PBX2: variants seen among roughly 807,000 people sequenced by gnomAD.
PBX2 encodes PBX homeobox 2.
PBX2 carries 10 observed loss-of-function variants against 46.5 expected under a neutral mutation model. That is an observed-to-expected ratio of 0.21 (90% CI 0.13 to 0.36). The LOEUF (loss-of-function observed/expected upper bound fraction) is 0.36, where lower values mean the gene tolerates loss of function less well. PBX2 is among the 10% of genes least tolerant of loss of function. PBX2 has a pLI of 1.00. For synonymous variants in PBX2, 160 were observed against 222.5 expected (o/e 0.72, Z 2.50); for missense variants, 392 against 580.5 (o/e 0.68, Z 3.34).
rs1199853316 is a variant in PBX2, at chr6:32,188,069, T to C, written c.631A>G (p.Met211Val). The change falls in exon 4 of 9, where the codon ATG becomes GTG. Residue 211 changes from methionine (M) to valine (V), a missense_variant. Physicochemically the swap from Met to Val is conservative, Grantham distance 21 (BLOSUM62 1). Coordinates refer to ENST00000375050, the MANE Select transcript of PBX2 (RefSeq NM_002586.5). The surrounding 1 kb of genome is among the most constrained non-coding windows in gnomAD (Gnocchi z 6.5). ...AACTTTCGATGGATGATGCTCACCA[T>C]GCGTTCCATCTCTTTGGGGGCCACG... Reference protein sequence around the residue: ...RPVAPKEMERMVSIIHRKFSA... With the variant: ...RPVAPKEMERVVSIIHRKFSA... The C allele has an allele frequency of 1.3e-6, 2 of 1,598,254 alleles. No individual in the cohort carries two copies. Among genetic ancestry groups the C allele is most frequent in the Non-Finnish European group, 8.5e-7 (1 of 1,171,406 alleles).
chr6:32,185,581 A>G lies in PBX2; in HGVS notation c.*801T>C, dbSNP rs977295221. On this transcript the variant is annotated 3_prime_UTR_variant, in exon 9 of 9. Transcript: ENST00000375050. Reference sequence around the variant, plus strand: ...ATATTTATAAAAAAAAAAACAAGCTACTTCCCCAAACTAAATTAAAAATTA... The same window carrying G: ...ATATTTATAAAAAAAAAAACAAGCTGCTTCCCCAAACTAAATTAAAAATTA... The G allele has an allele frequency of 1.6e-4, 24 of 151,706 alleles. No homozygotes were observed. Among genetic ancestry groups the G allele is most frequent in the Non-Finnish European group, 3.2e-4 (22 of 67,990 alleles). 9.4% of individuals were successfully genotyped at this position (151,706 alleles called of 1,614,324 possible).
Position 32,187,473 on chromosome 6 carries a change from T to C in PBX2, c.871-78A>G. 4.9e-6 allele frequency: 1 copy of C among 203,570 alleles called. No homozygotes were observed. Among genetic ancestry groups the C allele is most frequent in the Admixed American group, 6.6e-5 (1 of 15,068 alleles). The allele number at this position is 203,570 out of a possible 1,614,324, so 12.6% of individuals were successfully genotyped here. A position where few individuals can be genotyped will look rare whatever the true frequency, so the allele number is the denominator to read the frequency against. ...ACTGAATAAGATGTGAGTGACAGCA[T>C]TTTTTTTTTTTTTGCTTCCTGGTCT... On this transcript the variant is annotated intron_variant, in intron 5 of 8. Coordinates refer to ENST00000375050, the MANE Select transcript of PBX2 (RefSeq NM_002586.5). The surrounding 1 kb of genome is among the most constrained non-coding windows in gnomAD (Gnocchi z 7.7).
Position 32,189,572 on chromosome 6 carries a change from G to T in PBX2, c.221+123C>A. The T allele has an allele frequency of 1.5e-6, 1 of 672,150 alleles. No homozygotes were observed. The highest frequency in any genetic ancestry group is 3.1e-5 in the East Asian group (1 of 32,570). The allele number at this position is 672,150 out of a possible 1,614,324, so 41.6% of individuals were successfully genotyped here. A position where few individuals can be genotyped will look rare whatever the true frequency, so the allele number is the denominator to read the frequency against. The stretch of plus-strand genomic sequence containing the variant: ...CTTTTCTATGGGCTCCCAGGAATAA[G>T]GAGAGAAGAGAGCTGTTGGATCCTG... On this transcript the variant is annotated intron_variant, in intron 1 of 8. Coordinates refer to ENST00000375050, the MANE Select transcript of PBX2 (RefSeq NM_002586.5). The surrounding 1 kb of genome is among the most constrained non-coding windows in gnomAD (Gnocchi z 4.7).
At position 32,189,894 on chromosome 6, in the gene PBX2, GCC is replaced by G; in HGVS notation, c.20_21del (p.Gly7AlafsTer34). On this transcript the variant is annotated frameshift_variant, in exon 1 of 9. Coordinates refer to ENST00000375050, the MANE Select transcript of PBX2 (RefSeq NM_002586.5). LOFTEE classifies it high-confidence loss of function. This position sits in a 1 kb window ranked among gnomAD's most constrained non-coding sequence, Gnocchi z 4.7. ...CCCCGGCCCCCGCCTGGAGGGGGCG[GCC>G]CCAGTAGCCGTTCGTCCATAGCTGG... MDERLL[G>X]PPPPGGGRGG... 1.4e-6 allele frequency: 2 copies of G among 1,407,222 alleles called. No individual in the cohort carries two copies. The highest frequency in any genetic ancestry group is 1.9e-6 in the Non-Finnish European group (2 of 1,068,796). The allele number at this position is 1,407,222 out of a possible 1,614,324, so 87.2% of individuals were successfully genotyped here. A position where few individuals can be genotyped will look rare whatever the true frequency, so the allele number is the denominator to read the frequency against.
chr6:32,187,245 C>T lies in PBX2; in HGVS notation c.1021G>A (p.Ala341Thr), dbSNP rs1308268533. ...CCGGGGTGACAGTGGGATCCACCTG[C>T]AGAGGAAGGGGGTGTCGGGGAGCTG... ...RTSSPTPPSS[A>T]GSGGSFNLSG... is the part of the protein sequence containing the mutation. Residue 341 changes from alanine to threonine, a missense_variant, in exon 6 of 9, where the codon GCA becomes ACA. By Grantham distance (58) the Ala-to-Thr change is moderately conservative (BLOSUM62 0). Around this residue, in one of 3 missense-constraint regions of PBX2, gnomAD observed 116 missense variants for 157.9 expected, o/e 0.73. Transcript: ENST00000375050. The surrounding 1 kb of genome is among the most constrained non-coding windows in gnomAD (Gnocchi z 7.7). 1.9e-6 allele frequency: 3 copies of T among 1,612,804 alleles called. No individual in the cohort carries two copies. Among genetic ancestry groups the T allele is most frequent in the Non-Finnish European group, 2.5e-6 (3 of 1,180,022 alleles).
Position 32,189,829 on chromosome 6 carries a change from G to A in PBX2, c.87C>T (p.Gly29=), listed in dbSNP as rs945184730. Residue 29 remains glycine (G), a synonymous_variant, in exon 1 of 9, where the codon GGC becomes GGT. Transcript: ENST00000375050. The surrounding 1 kb of genome is among the most constrained non-coding windows in gnomAD (Gnocchi z 4.7). ...GLVSGEPGGP[G]EPPGGGDPGG... ...CGGGGTCTCCGCCACCGGGAGGCTCGCCAGGGCCCCCAGGCTCCCCACTCA... is the reference window on the plus strand; with the variant it reads ...CGGGGTCTCCGCCACCGGGAGGCTCACCAGGGCCCCCAGGCTCCCCACTCA... 1.3e-6 allele frequency: 2 copies of A among 1,580,130 alleles called. No homozygotes were observed. The highest frequency in any genetic ancestry group is 1.7e-6 in the Non-Finnish European group (2 of 1,162,012).
Position 32,187,697 on chromosome 6 carries a change from C to G in PBX2, c.820G>C (p.Glu274Gln). The G allele has an allele frequency of 3.1e-6, 5 of 1,607,832 alleles. No homozygotes were observed. The highest frequency in any genetic ancestry group is 3.4e-6 in the Non-Finnish European group (4 of 1,177,516). Residue 274 changes from glutamate (E) to glutamine (Q), a missense_variant, in exon 5 of 9, where the codon GAG (glutamate) becomes CAG (glutamine). By Grantham distance (29) the Glu-to-Gln change is conservative. This residue lies in a region of PBX2 where 80 missense variants were observed against 175.7 expected (regional missense o/e 0.46). Coordinates refer to ENST00000375050, the MANE Select transcript of PBX2 (RefSeq NM_002586.5). This position sits in a 1 kb window ranked among gnomAD's most constrained non-coding sequence, Gnocchi z 7.7. ...TTGGCAAGCTCCTCCTTGGCCTCCT[C>G]ACTAGGATATGGGTTACTCAGGTGG... is the stretch of plus-strand genomic sequence containing the variant. ...YSHLSNPYPS[E>Q]EAKEELAKKC...
Position 32,186,019 on chromosome 6 carries a change from A to G in PBX2, c.*363T>C, listed in dbSNP as rs1321620547. 4.1e-6 allele frequency: 1 copy of G among 241,650 alleles called. No individual in the cohort carries two copies. The highest frequency in any genetic ancestry group is 8.1e-6 in the Non-Finnish European group (1 of 122,878). 15.0% of individuals were successfully genotyped at this position (241,650 alleles called of 1,614,324 possible). ...TGGGGGAGCCCAGGAGAGAAACAGA[A>G]TAGTTGCAAGTGGGAGTATGTGTGT... On this transcript the variant is annotated 3_prime_UTR_variant, in exon 9 of 9. Coordinates refer to ENST00000375050, the MANE Select transcript of PBX2 (RefSeq NM_002586.5). The surrounding 1 kb of genome is among the most constrained non-coding windows in gnomAD (Gnocchi z 4.2).
In PBX2 at chr6:32,186,910, G is replaced by A. The variant is rs1256437954; in HGVS notation, c.1025-9C>T. 6.2e-7 allele frequency: 1 copy of A among 1,612,168 alleles called. No homozygotes were observed. The highest frequency in any genetic ancestry group is 8.5e-7 in the Non-Finnish European group (1 of 1,179,052). ...GAAAGAGCCGCCAGAGCCTTGTGGG[G>A]GCAGAGAGGGAAGAGTGTAATAGAG... On this transcript the variant is annotated splice_polypyrimidine_tract_variant and intron_variant, in intron 6 of 8. Coordinates refer to ENST00000375050, the MANE Select transcript of PBX2 (RefSeq NM_002586.5). This position sits in a 1 kb window ranked among gnomAD's most constrained non-coding sequence, Gnocchi z 4.2.
Position 32,189,005 on chromosome 6 carries a change from G to C in PBX2, c.222-209C>G. 1.7e-6 allele frequency: 1 copy of C among 581,088 alleles called. No homozygotes were observed. The highest frequency in any genetic ancestry group is 2.1e-5 in the South Asian group (1 of 46,630). The allele number at this position is 581,088 out of a possible 1,614,324, so 36.0% of individuals were successfully genotyped here. A position where few individuals can be genotyped will look rare whatever the true frequency, so the allele number is the denominator to read the frequency against. ...CTCCTCAGCTTCAGGGAGACACAGG[G>C]AAGATGCAGGCAGCAGGTTAAAGGC... On this transcript the variant is annotated intron_variant, in intron 1 of 8. Coordinates refer to ENST00000375050, the MANE Select transcript of PBX2 (RefSeq NM_002586.5). This position sits in a 1 kb window ranked among gnomAD's most constrained non-coding sequence, Gnocchi z 4.7.
At position 32,187,977 on chromosome 6, in the gene PBX2, G is replaced by C. The variant is rs1389892597; in HGVS notation, c.723C>G (p.Phe241Leu). ...GTCCCTGGGCCCACCTGGCATCCAGGAAACGGGAGCGCAGGATCATCACAG... is the reference window on the plus strand; with the variant it reads ...GTCCCTGGGCCCACCTGGCATCCAGCAAACGGGAGCGCAGGATCATCACAG... ...CEAVMILRSR[F>L]LDARRKRRNF... Residue 241 changes from phenylalanine to leucine, a missense_variant, in exon 4 of 9, where the codon TTC becomes TTG. Coordinates refer to ENST00000375050, the MANE Select transcript of PBX2 (RefSeq NM_002586.5). The surrounding 1 kb of genome is among the most constrained non-coding windows in gnomAD (Gnocchi z 7.7). 6.4e-7 allele frequency: 1 copy of C among 1,552,688 alleles called. No individual in the cohort carries two copies. The highest frequency in any genetic ancestry group is 8.7e-7 in the Non-Finnish European group (1 of 1,146,432).
Position 32,186,700 on chromosome 6 carries a change from G to A in PBX2, c.1114-10C>T, listed in dbSNP as rs536459735. ...GTCGGAGTGATTCCACCTGCAGGCAGCAGAGGAAGGTATGACAGTGAAGAG... is the reference window on the plus strand; with the variant it reads ...GTCGGAGTGATTCCACCTGCAGGCAACAGAGGAAGGTATGACAGTGAAGAG... On this transcript the variant is annotated splice_polypyrimidine_tract_variant and intron_variant, in intron 7 of 8. Transcript: ENST00000375050. This position sits in a 1 kb window ranked among gnomAD's most constrained non-coding sequence, Gnocchi z 4.2. The A allele has an allele frequency of 3.7e-6, 6 of 1,609,518 alleles. No individual in the cohort carries two copies. In the East Asian group the frequency reaches 1.3e-4, roughly 36 times the overall value.
Position 32,189,679 on chromosome 6 carries a change from G to A in PBX2, c.221+16C>T. Reference sequence around the variant, plus strand: ...TTTGCTGGGTCTGTGTGGGGTCCCGGAGTGGGGGCACTCACTTGGCCTGGG... The same window carrying A: ...TTTGCTGGGTCTGTGTGGGGTCCCGAAGTGGGGGCACTCACTTGGCCTGGG... On this transcript the variant is annotated intron_variant, in intron 1 of 8. Transcript: ENST00000375050. The surrounding 1 kb of genome is among the most constrained non-coding windows in gnomAD (Gnocchi z 4.7). 3 of 1,590,398 alleles carry A rather than the reference G, an allele frequency of 1.9e-6. No individual in the cohort carries two copies. The highest frequency in any genetic ancestry group is 2.6e-6 in the Non-Finnish European group (3 of 1,162,228).
chr6:32,186,121 G>C lies in PBX2; in HGVS notation c.*261C>G, dbSNP rs1366848345. On this transcript the variant is annotated 3_prime_UTR_variant, in exon 9 of 9. Transcript: ENST00000375050. This position sits in a 1 kb window ranked among gnomAD's most constrained non-coding sequence, Gnocchi z 4.2. ...GAAATAGGTTTCTCGGTATGTGTAT[G>C]TTTCTGTGTAAGAAAGAAAGCGAGA... 4 of 551,406 alleles carry C rather than the reference G, an allele frequency of 7.3e-6. No individual in the cohort carries two copies. The Admixed American group carries it at 1.0e-4, about 14-fold the overall frequency. The allele number at this position is 551,406 out of a possible 1,614,324, so 34.2% of individuals were successfully genotyped here.
Position 32,188,868 on chromosome 6 carries a change from A to G in PBX2, c.222-72T>C. 1 of 1,357,020 alleles carries G rather than the reference A, an allele frequency of 7.4e-7. No individual in the cohort carries two copies. Among genetic ancestry groups the G allele is most frequent in the Admixed American group, 1.7e-5 (1 of 59,502 alleles). The allele number at this position is 1,357,020 out of a possible 1,614,324, so 84.1% of individuals were successfully genotyped here. A position where few individuals can be genotyped will look rare whatever the true frequency, so the allele number is the denominator to read the frequency against. Reference sequence around the variant, plus strand: ...GAAACAGAGCAGGGGGCCTGAGAACAAGGAGGGAGGAGGGTCAGTCTGCGG... The same window carrying G: ...GAAACAGAGCAGGGGGCCTGAGAACGAGGAGGGAGGAGGGTCAGTCTGCGG... On this transcript the variant is annotated intron_variant, in intron 1 of 8. Coordinates refer to ENST00000375050, the MANE Select transcript of PBX2 (RefSeq NM_002586.5). The surrounding 1 kb of genome is among the most constrained non-coding windows in gnomAD (Gnocchi z 6.5).
In PBX2 at chr6:32,187,507, T is replaced by G; in HGVS notation, c.871-112A>C. ...TTTTTGCTTCCTGGTCTCACTATGC[T>G]GTTGCCCAGGCTGGTCTCCAATTCA... On this transcript the variant is annotated intron_variant, in intron 5 of 8. Coordinates refer to ENST00000375050, the MANE Select transcript of PBX2 (RefSeq NM_002586.5). This position sits in a 1 kb window ranked among gnomAD's most constrained non-coding sequence, Gnocchi z 7.7. The G allele has an allele frequency of 6.7e-7, 1 of 1,492,664 alleles. No homozygotes were observed. Among genetic ancestry groups the G allele is most frequent in the Non-Finnish European group, 9.1e-7 (1 of 1,096,176 alleles). The allele number at this position is 1,492,664 out of a possible 1,614,324, so 92.5% of individuals were successfully genotyped here.
In PBX2 at chr6:32,185,596, A is replaced by G. The variant is rs935665550; in HGVS notation, c.*786T>C. On this transcript the variant is annotated 3_prime_UTR_variant, in exon 9 of 9. Transcript: ENST00000375050. ...AAAACAAGCTACTTCCCCAAACTAA[A>G]TTAAAAATTAAGAACCACCACCACC... 2.0e-5 allele frequency: 3 copies of G among 152,092 alleles called. No individual in the cohort carries two copies. Among genetic ancestry groups the G allele is most frequent in the Admixed American group, 1.3e-4 (2 of 15,238 alleles). 9.4% of individuals were successfully genotyped at this position (152,092 alleles called of 1,614,324 possible). A position where few individuals can be genotyped will look rare whatever the true frequency, so the allele number is the denominator to read the frequency against.
chr6:32,188,902 A>G lies in PBX2; in HGVS notation c.222-106T>C. Reference sequence around the variant, plus strand: ...GGAGGGTCAGTCTGCGGAGGGAGGAAGCGGATTGGGGGTGGAATGAGTTGG... The same window carrying G: ...GGAGGGTCAGTCTGCGGAGGGAGGAGGCGGATTGGGGGTGGAATGAGTTGG... On this transcript the variant is annotated intron_variant, in intron 1 of 8. Coordinates refer to ENST00000375050, the MANE Select transcript of PBX2 (RefSeq NM_002586.5). This position sits in a 1 kb window ranked among gnomAD's most constrained non-coding sequence, Gnocchi z 6.5. 1 of 945,630 alleles carries G rather than the reference A, an allele frequency of 1.1e-6. No homozygotes were observed. The highest frequency in any genetic ancestry group is 1.7e-6 in the Non-Finnish European group (1 of 581,900). The allele number at this position is 945,630 out of a possible 1,614,324, so 58.6% of individuals were successfully genotyped here. A position where few individuals can be genotyped will look rare whatever the true frequency, so the allele number is the denominator to read the frequency against.
At position 32,188,262 on chromosome 6, in the gene PBX2, C is replaced by T. The variant is rs760831214; in HGVS notation, c.538G>A (p.Glu180Lys). 5 of 1,613,824 alleles carry T rather than the reference C, an allele frequency of 3.1e-6. 1 individual carries two copies. The South Asian group carries it at 5.5e-5, about 18-fold the overall frequency. Residue 180 changes from glutamate (E) to lysine (K), a missense_variant, in exon 3 of 9, where the codon GAG becomes AAG. Transcript: ENST00000375050. The surrounding 1 kb of genome is among the most constrained non-coding windows in gnomAD (Gnocchi z 6.5). The stretch of plus-strand genomic sequence containing the variant: ...CCCAAGCCTCCTCTCCTTACCTGCT[C>T]ATACTTCTCCAGCTCCGAGTGGTAT... Reference protein sequence around the residue: ...HIYHSELEKYEQACNEFTTHV... With the variant: ...HIYHSELEKYKQACNEFTTHV...
Sources: allele counts gnomAD v4.1 joint callset, GRCh38; gene constraint gnomAD v4.1.1; regional missense constraint gnomAD v4.1.1; non-coding constraint Gnocchi (gnomAD v3.1); transcripts MANE v1.5; gene names NCBI Gene and HGNC (gene_info 2026-07-23, HGNC 2026-07-21).